VCPIP1: variants seen among roughly 807,000 people sequenced by gnomAD.
VCPIP1 encodes deubiquitinating protein VCPIP1.
VCPIP1 carries 8 observed loss-of-function variants against 85.0 expected under a neutral mutation model. The observed-to-expected ratio is 0.09, with a 90% CI of 0.06 to 0.17. VCPIP1 has a LOEUF of 0.17. Among genes scored for constraint, VCPIP1 ranks in the 10% least tolerant of loss-of-function variants. The probability of loss-of-function intolerance (pLI) is 1.00; values close to 1 mark genes in which losing one functional copy is unlikely to be tolerated. For missense variants in VCPIP1, 1,070 were observed against 1,486.3 expected (o/e 0.72, Z 4.61); for synonymous variants, 543 against 544.5 (o/e 1.00, Z 0.04).
intron 1 of VCPIP1, among the ~76,000 whole-genome samples, chr8:66,658,715 C>T (rs1811124960): frequency 6.6e-6 from 1 of 152,070 alleles, no homozygotes; most frequent in Admixed American, 6.6e-5. Flanking sequence ...TCTCAAACTC[C>T]TGACCTCATG....
At chr8:66,642,754 A>C (rs2130155193) in intron 2 of VCPIP1, among the ~76,000 whole-genome samples, 1 of 152,324 alleles carries the variant, frequency 6.6e-6, no homozygotes, top group Non-Finnish European at 1.5e-5. Context: ...CTAGAAACAA[A>C]ACTATTTTGA....
intron 2 of VCPIP1, among the ~76,000 whole-genome samples, chr8:66,646,732 A>T (rs1244060350): frequency 1.1e-4 from 17 of 151,590 alleles, no homozygotes; most frequent in Admixed American, 1.1e-3. Context: ...CAGGAGATGG[A>T]GGTTGCAGTG....
Position 66,666,015 on chromosome 8 carries a change from G to A in VCPIP1, c.944C>T (p.Ser315Phe), listed in dbSNP as rs1243456497. ...TAGAAAGGTGGCTGAATAATCACCA[G>A]AGCTTCTCATGCCACTGAGGGAATC... The part of the protein sequence containing the change: ...LLDSLSGMRS[S>F]GDYSATFLPG... The change falls in exon 1 of 3, where the codon TCT becomes TTT. Residue 315 changes from serine (S) to phenylalanine (F), a missense_variant. Ser to Phe is a radical substitution (Grantham distance 155, BLOSUM62 -2). Coordinates refer to ENST00000310421, the MANE Select transcript of VCPIP1 (RefSeq NM_025054.5). The surrounding 1 kb of genome is among the most constrained non-coding windows in gnomAD (Gnocchi z 6.3). The A allele has an allele frequency of 6.2e-7, 1 of 1,614,176 alleles. No individual in the cohort carries two copies.
chr8:66,664,479 A>G lies in VCPIP1; in HGVS notation c.2480T>C (p.Met827Thr). 5 of 1,614,120 alleles carry G rather than the reference A, an allele frequency of 3.1e-6. No individual in the cohort carries two copies. Among genetic ancestry groups the G allele is most frequent in the Non-Finnish European group, 4.2e-6 (5 of 1,179,998 alleles). ...CTTTTCCATTCCTGCCTGTGGTGGC[A>G]TTAACTCTTTAGGAGGAAACCCGTA... ...IRYGFPPKEL[M>T]PPQAGMEKEP... The change falls in exon 1 of 3, where the codon ATG becomes ACG. Residue 827 changes from methionine (M) to threonine (T), a missense_variant. This residue lies in a region of VCPIP1 where 278 missense variants were observed against 298.5 expected (regional missense o/e 0.93). Transcript: ENST00000310421.
rs187719578 is a variant in VCPIP1 at position 66,630,958 on chromosome 8, G to A, written c.*3543C>T. ...TTGAAAAATTAATTTATACTGTGAAGAGCCTTAAGGTTGTACAATTTTGTT... is the reference window on the plus strand; with the variant it reads ...TTGAAAAATTAATTTATACTGTGAAAAGCCTTAAGGTTGTACAATTTTGTT... On this transcript the variant is annotated 3_prime_UTR_variant, in exon 3 of 3. Coordinates refer to ENST00000310421, the MANE Select transcript of VCPIP1 (RefSeq NM_025054.5). 305 of 152,500 alleles carry A rather than the reference G, an allele frequency of 2.0e-3. 4 individuals are homozygous for A. The highest frequency in any genetic ancestry group is 2.7e-3 in the Non-Finnish European group (186 of 67,968). The allele number at this position is 152,500 out of a possible 1,614,324, so 9.4% of individuals were successfully genotyped here. A position where few individuals can be genotyped will look rare whatever the true frequency, so the allele number is the denominator to read the frequency against.
chr8:66,643,153 T>C (rs1314361980), intron 2 of VCPIP1, among the ~76,000 whole-genome samples: 2 of 151,618 alleles, frequency 1.3e-5, no homozygotes, highest in African/African-American at 4.9e-5. Flanking sequence ...CGAAACCCCA[T>C]GTCTACTAAA....
chr8:66,664,340 A>G lies in VCPIP1; in HGVS notation c.2619T>C (p.Asp873=). 6.2e-7 allele frequency: 1 copy of G among 1,612,918 alleles called. No homozygotes were observed. Among genetic ancestry groups the G allele is most frequent in the Non-Finnish European group, 8.5e-7 (1 of 1,179,012 alleles). ...ATGACAGTTTACCAGTAACAGCAAT[A>G]TCTTCTTGTTTCACAGTGTGGGCTG... is the stretch of plus-strand genomic sequence containing the variant. ...AHSAHTVKQE[D]IAVTGKLSSK... Residue 873 remains aspartate, a synonymous_variant, in exon 1 of 3, where the codon GAT becomes GAC. Coordinates refer to ENST00000310421, the MANE Select transcript of VCPIP1 (RefSeq NM_025054.5).
intron 1 of VCPIP1, among the ~76,000 whole-genome samples, chr8:66,654,718 T>C (rs922963112): frequency 1.3e-5 from 2 of 152,200 alleles, no homozygotes; most frequent in East Asian, 3.8e-4. Flanking sequence ...CTCCACTGCA[T>C]TTCTCTCCAA....
chr8:66,651,567 G>T, intron 1 of VCPIP1, 23 bp from the exon 2 acceptor site: 1 of 1,592,746 alleles, frequency 6.3e-7, no homozygotes, highest in Non-Finnish European at 8.6e-7. Flanking sequence ...AACAGATATA[G>T]TATTAGCAAC....
rs760277195 is a variant in VCPIP1 at position 66,666,941 on chromosome 8, C to G, written c.18G>C (p.Pro6=). 1.3e-6 allele frequency: 2 copies of G among 1,576,636 alleles called. No individual in the cohort carries two copies. The highest frequency in any genetic ancestry group is 1.7e-6 in the Non-Finnish European group (2 of 1,167,238). Residue 6 remains proline (P), a synonymous_variant, in exon 1 of 3, where the codon CCG becomes CCC. Transcript: ENST00000310421. This position sits in a 1 kb window ranked among gnomAD's most constrained non-coding sequence, Gnocchi z 6.3. The stretch of plus-strand genomic sequence containing the variant: ...GTGGCGGCGGCAACGGAGGCGGCGG[C>G]GGCGGCGGCTGAGACATAGCTCCTG... MSQPP[P]PPPPLPPPPP... is the part of the protein sequence containing the mutation.
chr8:66,660,584 A>C (rs1811145757), intron 1 of VCPIP1, among the ~76,000 whole-genome samples: 1 of 152,250 alleles, frequency 6.6e-6, no homozygotes, highest in African/African-American at 2.4e-5. Context: ...ACATTTGGTA[A>C]TTCACAAAGT....
rs1461783399 is a variant in VCPIP1 at position 66,633,828 on chromosome 8, T to C, written c.*673A>G. On this transcript the variant is annotated 3_prime_UTR_variant, in exon 3 of 3. Transcript: ENST00000310421. ...TAACATATTAATAGAGCACACACAA[T>C]TGGCTGTGGCTCAGACAGCAACACA... The C allele has an allele frequency of 2.0e-5, 3 of 151,934 alleles. No homozygotes were observed. Among genetic ancestry groups the C allele is most frequent in the Non-Finnish European group, 2.9e-5 (2 of 67,968 alleles). The allele number at this position is 151,934 out of a possible 1,614,324, so 9.4% of individuals were successfully genotyped here.
Position 66,634,393 on chromosome 8 carries a change from G to T in VCPIP1, c.*108C>A. ...CACTGAATAACAAGATATAATCTTT[G>T]AATTATATACGTACAAGATTTTTAA... On this transcript the variant is annotated 3_prime_UTR_variant, in exon 3 of 3. Coordinates refer to ENST00000310421, the MANE Select transcript of VCPIP1 (RefSeq NM_025054.5). 1 of 1,276,716 alleles carries T rather than the reference G, an allele frequency of 7.8e-7. No homozygotes were observed. The highest frequency in any genetic ancestry group is 2.3e-5 in the East Asian group (1 of 42,708). 79.1% of individuals were successfully genotyped at this position (1,276,716 alleles called of 1,614,324 possible).
intron 2 of VCPIP1, among the ~76,000 whole-genome samples, chr8:66,648,561 CTA>C (rs1811020241): frequency 2.6e-5 from 4 of 151,534 alleles, no homozygotes; most frequent in Non-Finnish European, 5.9e-5. Context: ...ATCTATCTAT[CTA>C]TCTATCTATC....
chr8:66,648,547 A>G (rs1364187952), intron 2 of VCPIP1, among the ~76,000 whole-genome samples: 1 of 151,162 alleles, frequency 6.6e-6, no homozygotes, highest in Non-Finnish European at 1.5e-5. Context: ...CTATCTATCT[A>G]TCTATCTATC....
intron 1 of VCPIP1, among the ~76,000 whole-genome samples, chr8:66,652,759 C>A (rs1811065922): frequency 1.3e-5 from 2 of 152,184 alleles, no homozygotes; most frequent in Admixed American, 1.3e-4. Context: ...AAAGAATGAT[C>A]ATCACTGTTG....
Position 66,664,396 on chromosome 8 carries a change from C to G in VCPIP1, c.2563G>C (p.Ala855Pro), listed in dbSNP as rs1190772424. 5.0e-6 allele frequency: 8 copies of G among 1,613,692 alleles called. No homozygotes were observed. Among genetic ancestry groups the G allele is most frequent in the Non-Finnish European group, 6.8e-6 (8 of 1,179,720 alleles). Residue 855 changes from alanine to proline, a missense_variant, in exon 1 of 3, where the codon GCT (alanine) becomes CCT (proline). Physicochemically the swap from Ala to Pro is conservative, Grantham distance 27 (BLOSUM62 -1). Transcript: ENST00000310421. Reference protein sequence around the residue: ...RITIEILKSKAEGGQSAAAHS... With the variant: ...RITIEILKSKPEGGQSAAAHS... ...GCTGCAGCAGACTGACCACCTTCAGCTTTACTTTTTAGAATTTCTATTGTA... is the reference window on the plus strand; with the variant it reads ...GCTGCAGCAGACTGACCACCTTCAGGTTTACTTTTTAGAATTTCTATTGTA...
At position 66,632,587 on chromosome 8, in the gene VCPIP1, A is replaced by G. The variant is rs1810845283; in HGVS notation, c.*1914T>C. The G allele has an allele frequency of 6.6e-6, 1 of 152,158 alleles. No individual in the cohort carries two copies. The highest frequency in any genetic ancestry group is 2.4e-5 in the African/African-American group (1 of 41,470). The allele number at this position is 152,158 out of a possible 1,614,324, so 9.4% of individuals were successfully genotyped here. A position where few individuals can be genotyped will look rare whatever the true frequency, so the allele number is the denominator to read the frequency against. On this transcript the variant is annotated 3_prime_UTR_variant, in exon 3 of 3. Transcript: ENST00000310421. The stretch of plus-strand genomic sequence containing the variant: ...TGCTATGAGATATCTGTCAGTTATC[A>G]ATGAAGAAAATATTTGTTAAAGAAG...
chr8:66,640,343 A>C (rs1254196757), intron 2 of VCPIP1, among the ~76,000 whole-genome samples: 1 of 152,194 alleles, frequency 6.6e-6, no homozygotes, highest in Non-Finnish European at 1.5e-5. Flanking sequence ...TGATCCTCAC[A>C]ATCACCCTGA....
Sources: allele counts gnomAD v4.1 joint callset (sites outside exome capture counted in the v4.1 genomes callset), GRCh38; gene constraint gnomAD v4.1.1; regional missense constraint gnomAD v4.1.1; non-coding constraint Gnocchi (gnomAD v3.1); transcripts MANE v1.5; gene names NCBI Gene and HGNC (gene_info 2026-07-23, HGNC 2026-07-21).